Variants in GRIK3 observed in about 807,000 individuals in gnomAD.
GRIK3 encodes glutamate receptor ionotropic, kainate 3.
Under a neutral mutation model 102.5 loss-of-function variants are expected in GRIK3, and 29 were observed. The observed-to-expected ratio is 0.28, with a 90% CI of 0.21 to 0.39. The LOEUF (loss-of-function observed/expected upper bound fraction) is 0.39. GRIK3 is among the 10% of genes least tolerant of loss of function. The pLI is 1.00. For missense variants in GRIK3, 908 were observed against 1,252.4 expected (o/e 0.73, Z 4.15); for synonymous variants, 511 against 504.9 (o/e 1.01, Z -0.16).
intron 1 of GRIK3, among the ~76,000 whole-genome samples, chr1:36,937,810 C>T (rs1268005249): frequency 1.3e-5 from 2 of 152,216 alleles, no homozygotes; most frequent in East Asian, 3.8e-4. Flanking sequence ...CCACTACATC[C>T]ATGAATTAAG....
chr1:36,920,409 C>T (rs1271830824), intron 1 of GRIK3, among the ~76,000 whole-genome samples: 2 of 152,150 alleles, frequency 1.3e-5, no homozygotes, highest in South Asian at 4.1e-4. Context: ...CTCCAGATCC[C>T]CCCTCCCTGC....
chr1:36,941,947 G>A (rs570983843), intron 1 of GRIK3, among the ~76,000 whole-genome samples: 1 of 152,294 alleles, frequency 6.6e-6, no homozygotes, highest in Admixed American at 6.5e-5. Context: ...TTTCCACCTT[G>A]CAGATGCAGG....
At chr1:36,974,942 T>C (rs1265398308) in intron 1 of GRIK3, among the ~76,000 whole-genome samples, 4 of 152,090 alleles carry the variant, frequency 2.6e-5, no homozygotes, top group African/African-American at 4.8e-5. Context: ...GTACCTAGAA[T>C]AGGCACCTTT....
At chr1:37,021,923 G>A (rs1161075461) in intron 1 of GRIK3, among the ~76,000 whole-genome samples, 1 of 152,170 alleles carries the variant, frequency 6.6e-6, no homozygotes, top group Non-Finnish European at 1.5e-5. Context: ...CACTCATCAG[G>A]CTTGGGATAA....
At chr1:36,838,642 G>A (rs1231535126) in intron 10 of GRIK3, among the ~76,000 whole-genome samples, 12 of 152,176 alleles carry the variant, frequency 7.9e-5, no homozygotes, top group Admixed American at 5.2e-4. Context: ...TTTAAGTCCT[G>A]TTGGTCAGAG....
At chr1:36,935,499 C>A (rs1047554474) in intron 1 of GRIK3, among the ~76,000 whole-genome samples, 5 of 151,996 alleles carry the variant, frequency 3.3e-5, no homozygotes, top group African/African-American at 9.7e-5. Flanking sequence ...GTCCTATGAC[C>A]GCTCTGTATC....
At chr1:36,885,909 C>A (rs1316678385) in intron 2 of GRIK3, among the ~76,000 whole-genome samples, 1 of 152,148 alleles carries the variant, frequency 6.6e-6, no homozygotes, top group African/African-American at 2.4e-5. Flanking sequence ...TGAATGCTGT[C>A]CCCCCACTCC....
chr1:36,965,958 T>C (rs895704970), intron 1 of GRIK3, among the ~76,000 whole-genome samples: 1 of 152,072 alleles, frequency 6.6e-6, no homozygotes, highest in Non-Finnish European at 1.5e-5. Flanking sequence ...GGGGCGGAAA[T>C]GATTAATCTG....
At position 36,819,949 on chromosome 1, in the gene GRIK3, C is replaced by T; in HGVS notation, c.1755-95G>A. The stretch of plus-strand genomic sequence containing the variant: ...TAGCAAACACAGCTGTGCCAGCCGC[C>T]TCAGCGTCAATATCCTCATGGTTCT... On this transcript the variant is annotated intron_variant, in intron 11 of 15. Transcript: ENST00000373091. The surrounding 1 kb of genome is among the most constrained non-coding windows in gnomAD (Gnocchi z 4.1). 2.8e-6 allele frequency: 2 copies of T among 704,712 alleles called. No homozygotes were observed. Among genetic ancestry groups the T allele is most frequent in the Non-Finnish European group, 2.6e-6 (1 of 382,620 alleles). The allele number at this position is 704,712 out of a possible 1,614,324, so 43.7% of individuals were successfully genotyped here.
chr1:37,028,132 A>G (rs889348943), intron 1 of GRIK3, among the ~76,000 whole-genome samples: 7 of 152,234 alleles, frequency 4.6e-5, no homozygotes, highest in Admixed American at 4.6e-4. Flanking sequence ...GAGGGAAGGA[A>G]GGAATAACAA....
chr1:36,801,956 C>A lies in GRIK3; in HGVS notation c.2655G>T (p.Met885Ile). 6.2e-7 allele frequency: 1 copy of A among 1,614,018 alleles called. No individual in the cohort carries two copies. The highest frequency in any genetic ancestry group is 8.5e-7 in the Non-Finnish European group (1 of 1,179,956). The stretch of plus-strand genomic sequence containing the variant: ...TGTTGATGACGGCGTCAGTCTTGAC[C>A]ATCATGGGAGGCTGAGGCTTGTGCT... ...RVKHKPQPPM[M>I]VKTDAVINMH... The change falls in exon 16 of 16, where the codon ATG becomes ATT. Residue 885 changes from methionine to isoleucine, a missense_variant. This residue lies in a region of GRIK3 where 297 missense variants were observed against 362.7 expected (regional missense o/e 0.82). Transcript: ENST00000373091.
intron 2 of GRIK3, among the ~76,000 whole-genome samples, chr1:36,886,976 C>T (rs756442793): frequency 5.3e-5 from 8 of 152,070 alleles, no homozygotes; most frequent in Non-Finnish European, 8.8e-5. Flanking sequence ...TAATTATATC[C>T]GAATCTATCC....
rs939041818 is a variant in GRIK3 at position 36,872,669 on chromosome 1, C to A, written c.551-300G>T. ...GGCCTGTGCACACAGTGGTGCAGTA[C>A]ACACATATGTAGATTCAAAAGTAGG... is the stretch of plus-strand genomic sequence containing the variant. On this transcript the variant is annotated intron_variant, in intron 3 of 15. Transcript: ENST00000373091. The surrounding 1 kb of genome is among the most constrained non-coding windows in gnomAD (Gnocchi z 5.9). Among the ~76,000 whole-genome samples the A allele has an allele frequency of 4.6e-5, 7 of 152,232 alleles. No homozygotes were observed. The highest frequency in any genetic ancestry group is 1.7e-4 in the African/African-American group (7 of 41,460).
intron 1 of GRIK3, among the ~76,000 whole-genome samples, chr1:36,926,391 C>T (rs1402360216): frequency 6.6e-6 from 1 of 151,438 alleles, no homozygotes; most frequent in Non-Finnish European, 1.5e-5. Flanking sequence ...CCCTCTACGC[C>T]CCACTTTTTT....
chr1:36,883,837 G>C (rs763418814), intron 2 of GRIK3, among the ~76,000 whole-genome samples: 2 of 152,178 alleles, frequency 1.3e-5, no homozygotes, highest in African/African-American at 4.8e-5. Context: ...ATGTGGTCTT[G>C]GGTTGTGTTT....
intron 1 of GRIK3, among the ~76,000 whole-genome samples, chr1:36,903,826 A>G (rs1022420974): frequency 1.3e-5 from 2 of 152,220 alleles, no homozygotes; most frequent in Non-Finnish European, 2.9e-5. Context: ...GGAGAGATGC[A>G]TTGGTAAAAA....
At chr1:37,026,881 G>T (rs1279151327) in intron 1 of GRIK3, among the ~76,000 whole-genome samples, 1 of 151,854 alleles carries the variant, frequency 6.6e-6, no homozygotes, top group Non-Finnish European at 1.5e-5. Context: ...GACACGAGCT[G>T]ATGTCAGAGA....
intron 1 of GRIK3, among the ~76,000 whole-genome samples, chr1:36,923,572 G>A (rs563967828): frequency 1.3e-5 from 2 of 152,334 alleles, no homozygotes; most frequent in African/African-American, 4.8e-5. Context: ...GCTGGCCCTA[G>A]CTCTATCCTT....
rs748429614 is a variant in GRIK3, at chr1:36,872,891, A to G, written c.551-522T>C. On this transcript the variant is annotated intron_variant, in intron 3 of 15. Coordinates refer to ENST00000373091, the MANE Select transcript of GRIK3 (RefSeq NM_000831.4). This position sits in a 1 kb window ranked among gnomAD's most constrained non-coding sequence, Gnocchi z 5.9. ...GGATATGGGCACAAAAGGCAGCTCC[A>G]GCCTCAGTGGTACTAACCTGTACCA... Among the ~76,000 whole-genome samples, 2 of 152,262 alleles carry G rather than the reference A, an allele frequency of 1.3e-5. No individual in the cohort carries two copies. Among genetic ancestry groups the G allele is most frequent in the Non-Finnish European group, 2.9e-5 (2 of 68,048 alleles).
Sources: gnomAD v4.1 joint callset for allele counts (sites outside exome capture counted in the v4.1 genomes callset) on GRCh38, gnomAD v4.1.1 for gene constraint, gnomAD v4.1.1 regional missense constraint, Gnocchi (gnomAD v3.1) non-coding constraint, MANE v1.5 for transcripts, NCBI Gene and HGNC (gene_info 2026-07-23, HGNC 2026-07-21) for gene names.